The following COL25A1 variants were observed in gnomAD, a reference collection of about 807,000 sequenced individuals.
COL25A1 encodes the protein collagen alpha-1(XXV) chain.
A neutral mutation model predicts 128.4 loss-of-function variants in COL25A1; 103 were observed. That is an observed-to-expected ratio of 0.80 (90% CI 0.68 to 0.94). COL25A1 has a LOEUF of 0.94. Ranked by LOEUF, COL25A1 falls within the 40% of genes least tolerant of loss-of-function variation. COL25A1 has a pLI of 0.00. For missense variants in COL25A1, 745 were observed against 840.0 expected (o/e 0.89, Z 1.40); for synonymous variants, 279 against 277.2 (o/e 1.01, Z -0.06).
intron 5 of COL25A1, among the ~76,000 whole-genome samples, chr4:109,026,744 G>T (rs1560563696): frequency 6.6e-6 from 1 of 152,200 alleles, no homozygotes; most frequent in Non-Finnish European, 1.5e-5. Flanking sequence ...GGTAAGATGG[G>T]AGGTACTTGA....
chr4:109,022,131 C>T, intron 5 of COL25A1: 1 of 452,486 alleles, frequency 2.2e-6, no homozygotes, highest in Non-Finnish European at 4.4e-6. Context: ...CTAATAAAAA[C>T]TTGCTGGTTT....
At chr4:109,057,126 T>C (rs1470091460) in intron 3 of COL25A1, among the ~76,000 whole-genome samples, 1 of 151,616 alleles carries the variant, frequency 6.6e-6, no homozygotes, top group Non-Finnish European at 1.5e-5. Context: ...TCCCAAAGAG[T>C]CAGAATTAAA....
chr4:108,971,372 A>G, intron 8 of COL25A1, among the ~76,000 whole-genome samples: 1 of 152,320 alleles, frequency 6.6e-6, no homozygotes, highest in Non-Finnish European at 1.5e-5. Flanking sequence ...CTAAGGAGGG[A>G]GGGGGGCATA....
chr4:109,154,530 G>T (rs1771846954), intron 3 of COL25A1, among the ~76,000 whole-genome samples: 1 of 152,212 alleles, frequency 6.6e-6, no homozygotes, highest in Admixed American at 6.5e-5. Flanking sequence ...ACTGCATGGT[G>T]TGACTGTTGG....
At chr4:108,872,790 T>A (rs1370633908) in intron 19 of COL25A1, among the ~76,000 whole-genome samples, 2 of 152,200 alleles carry the variant, frequency 1.3e-5, no homozygotes, top group African/African-American at 4.8e-5. Context: ...CTGCTCTTTT[T>A]AAAAAATCTT....
intron 3 of COL25A1, among the ~76,000 whole-genome samples, chr4:109,197,463 TTATATATAA>T (rs1159180783): frequency 9.7e-5 from 7 of 71,896 alleles, no homozygotes; most frequent in Non-Finnish European, 1.6e-4. Flanking sequence ...TATATAAATA[TTATATATAA>T]TATATATTAT....
chr4:108,961,428 G>A (rs954464516), intron 8 of COL25A1, among the ~76,000 whole-genome samples: 5 of 152,142 alleles, frequency 3.3e-5, no homozygotes, highest in Non-Finnish European at 7.3e-5. Flanking sequence ...CTTAATATAA[G>A]AAGTAATTCA....
chr4:109,063,521 GAT>G (rs1203400125), intron 3 of COL25A1, among the ~76,000 whole-genome samples: 1 of 151,132 alleles, frequency 6.6e-6, no homozygotes, highest in African/African-American at 2.4e-5. Context: ...AAAAAAAGTG[GAT>G]AAAAGAGGGT....
At chr4:109,250,589 T>C (rs533703192) in intron 3 of COL25A1, among the ~76,000 whole-genome samples, 3 of 152,292 alleles carry the variant, frequency 2.0e-5, no homozygotes, top group African/African-American at 4.8e-5. Flanking sequence ...ATCCTGAAGG[T>C]AGAAGTCTGT....
chr4:109,086,866 T>C (rs910033126), intron 3 of COL25A1, among the ~76,000 whole-genome samples: 41 of 152,176 alleles, frequency 2.7e-4, no homozygotes, highest in Admixed American at 1.0e-3. Context: ...TATCACATGC[T>C]AGTGCCCACA....
chr4:109,022,259 G>A (rs914207034), intron 5 of COL25A1: 2 of 434,466 alleles, frequency 4.6e-6, no homozygotes, highest in Admixed American at 2.5e-5. Context: ...CTGACACTTA[G>A]GGAAAATAGA....
At chr4:109,294,629 T>G (rs940970015) in intron 3 of COL25A1, among the ~76,000 whole-genome samples, 1 of 152,114 alleles carries the variant, frequency 6.6e-6, no homozygotes, top group Non-Finnish European at 1.5e-5. Context: ...ATTTAACCAT[T>G]GCACACTAGG....
intron 13 of COL25A1, among the ~76,000 whole-genome samples, chr4:108,913,283 T>TTTTTTTTTTTTTTTAA (rs1744470434): frequency 6.8e-6 from 1 of 146,542 alleles, no homozygotes; most frequent in Non-Finnish European, 1.5e-5. Flanking sequence ...TTTTTTTTTT[T>TTTTTTTTTTTTTTTAA]AAGACGGAGT....
chr4:108,899,039 C>A (rs6853368), intron 15 of COL25A1, 115 bp downstream of exon 15: 394,818 of 719,278 alleles, frequency 0.55, 125,602 homozygotes, highest in East Asian at 0.94. Flanking sequence ...ATTAATCTAC[C>A]CACCCACCCA....
In COL25A1 at chr4:109,136,035, G is replaced by A. The variant is rs186105849; in HGVS notation, c.368-85856C>T. Among the ~76,000 whole-genome samples the A allele has an allele frequency of 3.9e-3, 591 of 152,286 alleles. 4 individuals carry two copies. The highest frequency in any genetic ancestry group is 6.8e-3 in the Middle Eastern group (2 of 294). ...TTCAACAAATATTACTACATGCTTA[G>A]TATTGTGCCAGGCAGAAGCCCTGGT... On this transcript the variant is annotated intron_variant, in intron 3 of 37. Transcript: ENST00000399132.
At chr4:109,048,284 G>T in intron 4 of COL25A1, 109 bp from the exon 5 acceptor site, 1 of 1,056,226 alleles carries the variant, frequency 9.5e-7, no homozygotes, top group South Asian at 1.6e-5. Context: ...TGACATAATA[G>T]ACATGGAAGT....
chr4:109,261,431 C>T (rs1050124275), intron 3 of COL25A1, among the ~76,000 whole-genome samples: 1 of 152,084 alleles, frequency 6.6e-6, no homozygotes, highest in Non-Finnish European at 1.5e-5. Context: ...ACACAAGAAT[C>T]GCTTGAACCT....
Position 108,974,669 on chromosome 4 carries a change from C to T in COL25A1, c.439-110G>A, listed in dbSNP as rs371093174. The T allele has an allele frequency of 5.3e-4, 469 of 877,806 alleles. 6 individuals carry two copies. The South Asian group carries it at 8.3e-3, about 16-fold the overall frequency. 54.4% of individuals were successfully genotyped at this position (877,806 alleles called of 1,614,324 possible). Reference sequence around the variant, plus strand: ...ATTCAAAGAATACAGAGATAGCTGTCAATGAGGTTTCTCAAGAAATTTTGG... The same window carrying T: ...ATTCAAAGAATACAGAGATAGCTGTTAATGAGGTTTCTCAAGAAATTTTGG... On this transcript the variant is annotated intron_variant, in intron 6 of 37. Transcript: ENST00000399132.
intron 3 of COL25A1, among the ~76,000 whole-genome samples, chr4:109,289,868 G>C (rs1724292748): frequency 1.3e-5 from 2 of 150,466 alleles, no homozygotes; most frequent in South Asian, 4.2e-4. Context: ...TTAAGGGCCT[G>C]TTTGCTGTAT....
Sources: gnomAD v4.1 joint callset for allele counts (sites outside exome capture counted in the v4.1 genomes callset) on GRCh38, gnomAD v4.1.1 for gene constraint, MANE v1.5 for transcripts, NCBI Gene and HGNC (gene_info 2026-07-23, HGNC 2026-07-21) for gene names.